SLIT3: variants seen among roughly 807,000 people sequenced by gnomAD.
The protein encoded by SLIT3 is slit guidance ligand 3, also known as slit homolog 3 protein.
Under a neutral mutation model 184.0 loss-of-function variants are expected in SLIT3, and 68 were observed. That is an observed-to-expected ratio of 0.37 (90% confidence interval 0.30 to 0.45). The LOEUF is 0.45. Ranked by LOEUF, SLIT3 falls within the 20% of genes least tolerant of loss-of-function variation. The probability of loss-of-function intolerance (pLI) is 1.00; values close to 1 mark genes in which losing one functional copy is unlikely to be tolerated. For synonymous variants in SLIT3, 831 were observed against 828.6 expected (o/e 1.00, Z -0.05); for missense variants, 1,707 against 2,026.0 (o/e 0.84, Z 3.02).
chr5:169,040,282 T>C (rs187726534), intron 4 of SLIT3, among the ~76,000 whole-genome samples: 486 of 152,332 alleles, frequency 3.2e-3, no homozygotes, highest in Non-Finnish European at 5.2e-3. Context: ...TAAAGCATTT[T>C]TTCCTTTGAG....
chr5:168,940,465 A>C (rs964273383), intron 4 of SLIT3, among the ~76,000 whole-genome samples: 3 of 152,342 alleles, frequency 2.0e-5, no homozygotes, highest in Admixed American at 2.0e-4. Flanking sequence ...AAGAAAAAAA[A>C]CTAAATCTCC....
At chr5:169,235,698 T>G (rs1256922795) in intron 3 of SLIT3, among the ~76,000 whole-genome samples, 1 of 152,250 alleles carries the variant, frequency 6.6e-6, no homozygotes, top group Non-Finnish European at 1.5e-5. Context: ...TTGTTTTTCA[T>G]GACCTTAACA....
chr5:168,886,067 C>G (rs946773703), intron 4 of SLIT3, among the ~76,000 whole-genome samples: 2 of 152,246 alleles, frequency 1.3e-5, no homozygotes, highest in African/African-American at 2.4e-5. Flanking sequence ...TTCTTCCCAT[C>G]TCCCTGTCAC....
At chr5:168,923,966 GCAC>G (rs1434788846) in intron 4 of SLIT3, among the ~76,000 whole-genome samples, 2 of 152,222 alleles carry the variant, frequency 1.3e-5, no homozygotes, top group African/African-American at 2.4e-5. Context: ...GGCTGCTTTT[GCAC>G]CACAACAGCA....
chr5:168,942,731 T>TGGTC (rs1224223296), intron 4 of SLIT3, among the ~76,000 whole-genome samples: 4 of 130,062 alleles, frequency 3.1e-5, no homozygotes, highest in African/African-American at 6.4e-5. Flanking sequence ...AGACATTGGC[T>TGGTC]GGTCTGGTTT....
At chr5:168,917,450 CA>C (rs1761481884) in intron 4 of SLIT3, among the ~76,000 whole-genome samples, 1 of 152,234 alleles carries the variant, frequency 6.6e-6, no homozygotes, top group South Asian at 2.1e-4. Flanking sequence ...ACATAAATCT[CA>C]GTCAAATCCC....
At chr5:168,723,857 GA>G (rs35140073) in intron 21 of SLIT3, among the ~76,000 whole-genome samples, 2 of 152,106 alleles carry the variant, frequency 1.3e-5, no homozygotes, top group Non-Finnish European at 2.9e-5. Flanking sequence ...TCAGTAGCTT[GA>G]AAAAAATCTG....
At chr5:169,231,587 CCA>C (rs1284209128) in intron 3 of SLIT3, among the ~76,000 whole-genome samples, 1 of 152,166 alleles carries the variant, frequency 6.6e-6, no homozygotes, top group East Asian at 1.9e-4. Context: ...CATGAATACA[CCA>C]CAGTCTATTG....
chr5:168,667,362 G>A (rs1761090335), intron 35 of SLIT3, among the ~76,000 whole-genome samples: 1 of 152,254 alleles, frequency 6.6e-6, no homozygotes, highest in African/African-American at 2.4e-5. Context: ...ATATGTTTTT[G>A]TATGCTATAA....
intron 20 of SLIT3, among the ~76,000 whole-genome samples, chr5:168,743,451 C>G (rs1054660448): frequency 1.3e-5 from 2 of 152,176 alleles, no homozygotes; most frequent in Non-Finnish European, 2.9e-5. Context: ...TGAGGCACCA[C>G]GAACCATGCC....
intron 4 of SLIT3, among the ~76,000 whole-genome samples, chr5:168,897,647 T>TGCACACACACACACACAC (rs3223457): frequency 0.076 from 10,789 of 141,050 alleles, 655 homozygotes; most frequent in Non-Finnish European, 0.098. Context: ...CAGGTGCACG[T>TGCACACACACACACACAC]ACACACACAC....
intron 1 of SLIT3, 136 bp from the exon 2 acceptor site, chr5:169,251,595 C>A (rs762628671): frequency 1.5e-6 from 1 of 669,224 alleles, no homozygotes; most frequent in Non-Finnish European, 2.8e-6. Flanking sequence ...ATCCCTTGAG[C>A]GTGCCCGGCT....
intron 8 of SLIT3, among the ~76,000 whole-genome samples, chr5:168,807,212 G>T (rs909313416): frequency 6.6e-6 from 1 of 152,152 alleles, no homozygotes; most frequent in Non-Finnish European, 1.5e-5. Context: ...TTTTGTTTGA[G>T]GTGAGAATCA....
intron 5 of SLIT3, among the ~76,000 whole-genome samples, chr5:168,865,367 C>G (rs567963194): frequency 6.6e-6 from 1 of 152,252 alleles, no homozygotes; most frequent in South Asian, 2.1e-4. Context: ...TGGATTGACA[C>G]ACTGAAGTAT....
At chr5:168,922,197 C>T (rs1323750750) in intron 4 of SLIT3, among the ~76,000 whole-genome samples, 1 of 151,942 alleles carries the variant, frequency 6.6e-6, no homozygotes, top group Non-Finnish European at 1.5e-5. Context: ...GTGGCTCACA[C>T]CTGTAATCCC....
chr5:169,146,921 T>C (rs1404387321), intron 4 of SLIT3, among the ~76,000 whole-genome samples: 2 of 152,236 alleles, frequency 1.3e-5, no homozygotes, highest in African/African-American at 4.8e-5. Flanking sequence ...GCCTTAAGTT[T>C]CCTCATCTGT....
rs112102059 is a variant in SLIT3, at chr5:169,034,912, AGTGTGTGTGTGTGTGT to A, written c.414-151592_414-151577del. 6.3e-3 allele frequency among the ~76,000 whole-genome samples: 834 copies of A among 132,410 alleles called. 13 individuals are homozygous for A. Among genetic ancestry groups the A allele is most frequent in the African/African-American group, 0.022 (771 of 35,258 alleles). The allele number at this position is 132,410 out of a possible 152,430, so 86.9% of individuals were successfully genotyped here. On this transcript the variant is annotated intron_variant, in intron 4 of 35. Transcript: ENST00000519560. ...CAGGTACAAGCCACCACGCCCAGCT[AGTGTGTGTGTGTGTGT>A]GTGTGTGTGTGTGTGTGTGTGTGTG...
chr5:169,106,051 G>A (rs191989703), intron 4 of SLIT3, among the ~76,000 whole-genome samples: 5 of 145,782 alleles, frequency 3.4e-5, no homozygotes, highest in East Asian at 2.2e-4. Context: ...GAGCCTGTTG[G>A]GGGGGCAGGG....
intron 4 of SLIT3, among the ~76,000 whole-genome samples, chr5:169,020,191 T>G (rs962305192): frequency 6.6e-6 from 1 of 152,314 alleles, no homozygotes; most frequent in African/African-American, 2.4e-5. Flanking sequence ...GTTTGCCAAA[T>G]GTTGGTTTAG....
Sources: gnomAD v4.1 joint callset for allele counts (sites outside exome capture counted in the v4.1 genomes callset) on GRCh38, gnomAD v4.1.1 for gene constraint, MANE v1.5 for transcripts, NCBI Gene and HGNC (gene_info 2026-07-23, HGNC 2026-07-21) for gene names.